Variants in PTPRN2 observed in about 807,000 individuals in gnomAD.
PTPRN2 encodes the protein receptor-type tyrosine-protein phosphatase N2.
In PTPRN2, 74 loss-of-function variants were observed where a neutral mutation model predicts 118.8. The observed-to-expected ratio is 0.62, with a 90% confidence interval of 0.52 to 0.76. The LOEUF is 0.76. Ranked by LOEUF, PTPRN2 falls within the 30% of genes least tolerant of loss-of-function variation. The pLI, the probability that PTPRN2 is intolerant of heterozygous loss-of-function variation, is 0.00. For missense variants in PTPRN2, 1,481 were observed against 1,394.4 expected, an observed-to-expected ratio of 1.06 and a Z score of -0.99; for synonymous variants, 641 against 608.0, an observed-to-expected ratio of 1.05 and a Z score of -0.80.
rs116592497 is a variant in PTPRN2, at chr7:158,260,942, C to T, written c.278-55669G>A. Among the ~76,000 whole-genome samples, 1,130 of 152,244 alleles carry T rather than the reference C, an allele frequency of 7.4e-3. 14 individuals are homozygous for T. Among genetic ancestry groups the T allele is most frequent in the African/African-American group, 0.026 (1,079 of 41,556 alleles). Reference sequence around the variant, plus strand: ...GAGAGACAGGGGAGGAGAGAGGAGGCAGACGGGCAGGAGGGGGCCTGTCCC... The same window carrying T: ...GAGAGACAGGGGAGGAGAGAGGAGGTAGACGGGCAGGAGGGGGCCTGTCCC... On this transcript the variant is annotated intron_variant, in intron 3 of 22. Transcript: ENST00000389418.
intron 11 of PTPRN2, among the ~76,000 whole-genome samples, chr7:157,933,686 G>T (rs1358192322): frequency 6.7e-6 from 1 of 149,182 alleles, no homozygotes; most frequent in African/African-American, 2.5e-5. Context: ...TAGAGGAGGG[G>T]TGAGTCACTC....
chr7:158,550,574 C>T (rs867459034), intron 1 of PTPRN2, among the ~76,000 whole-genome samples: 7 of 152,214 alleles, frequency 4.6e-5, no homozygotes, highest in African/African-American at 1.7e-4. Context: ...CAGGCCTGCC[C>T]GAGGCTCCCC....
intron 3 of PTPRN2, among the ~76,000 whole-genome samples, chr7:158,313,073 G>A (rs1158861590): frequency 6.6e-6 from 1 of 151,864 alleles, no homozygotes; most frequent in African/African-American, 2.4e-5. Context: ...TCTGCGTGTG[G>A]GTATCTACAT....
chr7:157,864,054 A>C (rs1466298462), intron 12 of PTPRN2: 1 of 152,304 alleles, frequency 6.6e-6, no homozygotes, highest in Non-Finnish European at 1.5e-5. Flanking sequence ...AGCCACGGCT[A>C]TGTCGAAGCT....
intron 9 of PTPRN2, among the ~76,000 whole-genome samples, chr7:158,128,969 T>TA (rs780313624): frequency 2.8e-4 from 41 of 147,494 alleles, no homozygotes; most frequent in Non-Finnish European, 5.1e-4. Flanking sequence ...ACACACAACA[T>TA]ACCCCACACC....
At chr7:157,670,254 G>C (rs954811748) in intron 13 of PTPRN2, among the ~76,000 whole-genome samples, 25 of 152,136 alleles carry the variant, frequency 1.6e-4, no homozygotes, top group Non-Finnish European at 7.3e-5. Context: ...CGGGCTCACG[G>C]GACCCGCGGT....
intron 11 of PTPRN2, among the ~76,000 whole-genome samples, chr7:158,050,633 C>T (rs1311235664): frequency 2.0e-5 from 3 of 152,194 alleles, no homozygotes; most frequent in Admixed American, 6.5e-5. Context: ...GCTCGGGCCC[C>T]GCTCTCCCCC....
chr7:158,270,419 C>T (rs1038613764), intron 3 of PTPRN2, among the ~76,000 whole-genome samples: 8 of 152,136 alleles, frequency 5.3e-5, no homozygotes, highest in Non-Finnish European at 1.2e-4. Context: ...GACTGGTCAA[C>T]AAGGTGCAAG....
chr7:157,906,886 C>A (rs1584993416), intron 11 of PTPRN2, among the ~76,000 whole-genome samples: 1 of 152,284 alleles, frequency 6.6e-6, no homozygotes, highest in Non-Finnish European at 1.5e-5. Context: ...GAAGGCCCTG[C>A]TCTAAGCTTC....
intron 2 of PTPRN2, among the ~76,000 whole-genome samples, chr7:158,330,087 C>G (rs1804069379): frequency 6.7e-6 from 1 of 149,344 alleles, no homozygotes; most frequent in Non-Finnish European, 1.5e-5. Context: ...CTGACACCTG[C>G]AGACGTCACT....
At chr7:158,135,704 C>A (rs1293873191) in intron 8 of PTPRN2, among the ~76,000 whole-genome samples, 3 of 152,320 alleles carry the variant, frequency 2.0e-5, no homozygotes, top group Non-Finnish European at 2.9e-5. Context: ...CTCAGCCCCA[C>A]TTCTCCCTCC....
chr7:157,927,181 G>A (rs1225201873), intron 11 of PTPRN2, among the ~76,000 whole-genome samples: 9 of 98,752 alleles, frequency 9.1e-5, no homozygotes, highest in East Asian at 8.7e-4. Context: ...GAGAGCAGAG[G>A]CCTCGCGTCT....
Position 158,022,930 on chromosome 7 carries a change from G to A in PTPRN2, c.1723+58368C>T, listed in dbSNP as rs946514111. On this transcript the variant is annotated intron_variant, in intron 11 of 22. Transcript: ENST00000389418. This position sits in a 1 kb window ranked among gnomAD's most constrained non-coding sequence, Gnocchi z 4.6. ...TGCCCAATTTCACCTTGTTCTGCAG[G>A]GGATGGCAAGAGCAGGGTCGCCCTG... Among the ~76,000 whole-genome samples the A allele has an allele frequency of 6.6e-6, 1 of 152,220 alleles. No individual in the cohort carries two copies. Among genetic ancestry groups the A allele is most frequent in the African/African-American group, 2.4e-5 (1 of 41,452 alleles).
At chr7:157,586,314 C>T (rs978584737) in intron 17 of PTPRN2, among the ~76,000 whole-genome samples, 1 of 152,210 alleles carries the variant, frequency 6.6e-6, no homozygotes, top group Non-Finnish European at 1.5e-5. Flanking sequence ...CCCCCGCTAA[C>T]CTCCTGACTC....
chr7:157,706,276 A>C (rs538500662), intron 12 of PTPRN2, among the ~76,000 whole-genome samples: 3 of 150,842 alleles, frequency 2.0e-5, no homozygotes, highest in Non-Finnish European at 4.4e-5. Flanking sequence ...AACTGCGTGA[A>C]TCTGACGCAG....
intron 2 of PTPRN2, among the ~76,000 whole-genome samples, chr7:158,320,148 T>TGTACACACACAGCCTCCCTC (rs539597981): frequency 1.7e-5 from 1 of 58,302 alleles, no homozygotes; most frequent in Admixed American, 1.7e-4. Flanking sequence ...CAGCCTCCCT[T>TGTACACACACAGCCTCCCTC]GTACACACAC....
At chr7:158,212,247 G>A (rs548285978) in intron 3 of PTPRN2, among the ~76,000 whole-genome samples, 1 of 152,110 alleles carries the variant, frequency 6.6e-6, no homozygotes, top group African/African-American at 2.4e-5. Flanking sequence ...GGCAGGGGGC[G>A]GGGGGCAAGT....
chr7:158,329,696 C>T (rs77923968), intron 2 of PTPRN2, among the ~76,000 whole-genome samples: 17 of 152,276 alleles, frequency 1.1e-4, no homozygotes, highest in African/African-American at 4.1e-4. Context: ...TAAGACACTG[C>T]GTATTATTAT....
In PTPRN2 at chr7:158,325,238, C is replaced by G. The variant is rs189075923; in HGVS notation, c.164-8306G>C. The stretch of plus-strand genomic sequence containing the variant: ...GGAGCATCTTCCTTCCACCAAACGC[C>G]GTGAACACGACCAGCTCCTGGGCAG... On this transcript the variant is annotated intron_variant, in intron 2 of 22. Transcript: ENST00000389418. Among the ~76,000 whole-genome samples, 7 of 152,090 alleles carry G rather than the reference C, an allele frequency of 4.6e-5. 1 individual carries two copies. The South Asian group carries it at 1.4e-3, about 32-fold the overall frequency.
Sources: gnomAD v4.1 joint callset for allele counts (sites outside exome capture counted in the v4.1 genomes callset) on GRCh38, gnomAD v4.1.1 for gene constraint, Gnocchi (gnomAD v3.1) non-coding constraint, MANE v1.5 for transcripts, NCBI Gene and HGNC (gene_info 2026-07-23, HGNC 2026-07-21) for gene names.